Variants in LIPE observed in about 807,000 individuals in gnomAD.
LIPE encodes lipase E, hormone sensitive type, also known as hormone-sensitive lipase.
A neutral mutation model predicts 88.5 loss-of-function variants in LIPE; 66 were observed. That is an observed-to-expected ratio of 0.75 (90% CI 0.61 to 0.91). LIPE has a LOEUF of 0.91. Among genes scored for constraint, LIPE ranks in the 40% least tolerant of loss-of-function variants. LIPE has a pLI of 0.00. For synonymous variants in LIPE, 570 were observed against 617.5 expected (o/e 0.92, Z 1.14); for missense variants, 1,346 against 1,434.7 (o/e 0.94, Z 1.00).
At position 42,408,385 on chromosome 19, in the gene LIPE, G is replaced by A. The variant is rs894666491; in HGVS notation, c.1420-63C>T. The A allele has an allele frequency of 2.3e-6, 3 of 1,319,196 alleles. No individual in the cohort carries two copies. The highest frequency in any genetic ancestry group is 1.7e-5 in the Admixed American group (1 of 59,612). 81.7% of individuals were successfully genotyped at this position (1,319,196 alleles called of 1,614,324 possible). A position where few individuals can be genotyped will look rare whatever the true frequency, so the allele number is the denominator to read the frequency against. On this transcript the variant is annotated intron_variant, in intron 2 of 9. Transcript: ENST00000244289. This position sits in a 1 kb window ranked among gnomAD's most constrained non-coding sequence, Gnocchi z 4.3. ...AGAGGGATGGGGACAGGGCAGGAGC[G>A]AGGCACAGGGATGTGCGGGGAAGAC...
intron 2 of LIPE, among the ~76,000 whole-genome samples, chr19:42,409,910 C>T (rs559775481): frequency 7.2e-5 from 11 of 151,736 alleles, no homozygotes; most frequent in Middle Eastern, 3.4e-3. Context: ...GGCTGAGGTG[C>T]GGGGAGGCCC....
Position 42,410,459 on chromosome 19 carries a change from G to A in LIPE, c.1267C>T (p.Arg423Cys), listed in dbSNP as rs768141332. Residue 423 changes from arginine to cysteine, a missense_variant, in exon 2 of 10, where the codon CGC (arginine) becomes TGC (cysteine). Physicochemically the swap from Arg to Cys is radical, Grantham distance 180. Coordinates refer to ENST00000244289, the MANE Select transcript of LIPE (RefSeq NM_005357.4). This position sits in a 1 kb window ranked among gnomAD's most constrained non-coding sequence, Gnocchi z 6.1. ...CGCTGGGCGTAGTAGACCAGAGCGC[G>A]GAGCTGGGTGAGGGCAGCCAGGTAG... ...EAYLAALTQLRALVYYAQRLL... is the reference protein window; with the variant it reads ...EAYLAALTQLCALVYYAQRLL... 1.1e-5 allele frequency: 18 copies of A among 1,614,014 alleles called. No homozygotes were observed. Among genetic ancestry groups the A allele is most frequent in the Admixed American group, 8.3e-5 (5 of 60,014 alleles).
chr19:42,417,883 CAG>C lies in LIPE; in HGVS notation c.884-7043_884-7042del, dbSNP rs147320888. On this transcript the variant is annotated intron_variant, in intron 1 of 9. Coordinates refer to ENST00000244289, the MANE Select transcript of LIPE (RefSeq NM_005357.4). ...AAAAATAAATAAAAAAATAAAAAAACAGAAATACATTTGATAGCAGGAACAAT... is the reference window on the plus strand; with the variant it reads ...AAAAATAAATAAAAAAATAAAAAAACAAATACATTTGATAGCAGGAACAAT... Among the ~76,000 whole-genome samples the C allele has an allele frequency of 4.2e-3, 640 of 151,910 alleles. 8 individuals are homozygous for C. The highest frequency in any genetic ancestry group is 0.015 in the African/African-American group (603 of 41,440).
chr19:42,407,920 T>C lies in LIPE; in HGVS notation c.1656+56A>G. On this transcript the variant is annotated intron_variant, in intron 4 of 9. Coordinates refer to ENST00000244289, the MANE Select transcript of LIPE (RefSeq NM_005357.4). The surrounding 1 kb of genome is among the most constrained non-coding windows in gnomAD (Gnocchi z 5.8). Reference sequence around the variant, plus strand: ...GGCCTGGAGCCCCACAGAGACCTACTGTGGCCTCAGATGAGTCTCTGGGCC... The same window carrying C: ...GGCCTGGAGCCCCACAGAGACCTACCGTGGCCTCAGATGAGTCTCTGGGCC... The C allele has an allele frequency of 6.3e-7, 1 of 1,590,156 alleles. No homozygotes were observed. Among genetic ancestry groups the C allele is most frequent in the East Asian group, 2.3e-5 (1 of 43,860 alleles).
At chr19:42,412,134 C>T (rs765658257) in intron 1 of LIPE, 1 of 344,426 alleles carries the variant, frequency 2.9e-6, no homozygotes, top group Non-Finnish European at 4.1e-6. Context: ...CCCCAGTGAT[C>T]TTTCCTCTGA....
Position 42,426,655 on chromosome 19 carries a change from G to A in LIPE, c.495C>T (p.Ala165=), listed in dbSNP as rs2147682576. Reference sequence around the variant, plus strand: ...CAGTCGGGGCAGATGGCTCCCTTTTGGCTCCAGGTTTAGCCTGGGCCGCAG... The same window carrying A: ...CAGTCGGGGCAGATGGCTCCCTTTTAGCTCCAGGTTTAGCCTGGGCCGCAG... ...STPAAQAKPG[A]KREPSAPTES... The change falls in exon 1 of 10, where the codon GCC becomes GCT. Residue 165 remains alanine (A), a synonymous_variant. Coordinates refer to ENST00000244289, the MANE Select transcript of LIPE (RefSeq NM_005357.4). 1 of 1,614,220 alleles carries A rather than the reference G, an allele frequency of 6.2e-7. No individual in the cohort carries two copies. The highest frequency in any genetic ancestry group is 1.1e-5 in the South Asian group (1 of 91,080).
At chr19:42,402,146 A>T (rs989524027) in intron 9 of LIPE, 71 bp from the exon 10 acceptor site, 5 of 1,374,868 alleles carry the variant, frequency 3.6e-6, no homozygotes, top group Admixed American at 6.4e-5. Flanking sequence ...TAGAGCGAGG[A>T]GGGGTTTGAT....
Position 42,403,051 on chromosome 19 carries a change from T to C in LIPE, c.2543-20A>G, listed in dbSNP as rs1292363875. On this transcript the variant is annotated intron_variant, in intron 8 of 9. Coordinates refer to ENST00000244289, the MANE Select transcript of LIPE (RefSeq NM_005357.4). ...TCGGCTCTGAGAGAGGGAGAGCAGA[T>C]AGGCCTGGCTCCGTTAGTTTGGTTG... The C allele has an allele frequency of 3.3e-6, 5 of 1,521,258 alleles. No individual in the cohort carries two copies. In the Admixed American group the frequency reaches 7.8e-5, roughly 24 times the overall value. The allele number at this position is 1,521,258 out of a possible 1,614,324, so 94.2% of individuals were successfully genotyped here.
At chr19:42,402,575 A>G (rs2040016532) in intron 9 of LIPE, 32 bp downstream of exon 9, 1 of 1,439,588 alleles carries the variant, frequency 6.9e-7, no homozygotes, top group African/African-American at 1.4e-5. Flanking sequence ...TCTTCTCTAA[A>G]TGCACCTGTA....
Position 42,407,641 on chromosome 19 carries a change from C to T in LIPE, c.1807G>A (p.Val603Ile), listed in dbSNP as rs370116787. ...LAHTGPGPVL[V>I]RLISYDLREG... The stretch of plus-strand genomic sequence containing the variant: ...CGCAGGTCATAGGAGATGAGCCTGA[C>T]GAGGACGGGCCCAGGGCCTGTGTGG... Residue 603 changes from valine to isoleucine, a missense_variant, in exon 5 of 10, where the codon GTC becomes ATC. Physicochemically the swap from Val to Ile is conservative, Grantham distance 29 (BLOSUM62 3). Coordinates refer to ENST00000244289, the MANE Select transcript of LIPE (RefSeq NM_005357.4). This position sits in a 1 kb window ranked among gnomAD's most constrained non-coding sequence, Gnocchi z 5.8. The T allele has an allele frequency of 4.5e-5, 72 of 1,611,062 alleles. No individual in the cohort carries two copies. The highest frequency in any genetic ancestry group is 5.4e-5 in the Non-Finnish European group (64 of 1,178,514).
chr19:42,405,359 G>C, intron 8 of LIPE, 26 bp downstream of exon 8: 1 of 1,607,254 alleles, frequency 6.2e-7, no homozygotes, highest in Non-Finnish European at 8.5e-7. Context: ...CCCTGGCTGG[G>C]CATGTGACGG....
chr19:42,418,040 T>C (rs1341720716), intron 1 of LIPE, among the ~76,000 whole-genome samples: 1 of 151,546 alleles, frequency 6.6e-6, no homozygotes, highest in African/African-American at 2.4e-5. Flanking sequence ...TGGAGTGCAA[T>C]GGTGCGATCT....
At chr19:42,415,124 C>T (rs888845703) in intron 1 of LIPE, among the ~76,000 whole-genome samples, 6 of 151,442 alleles carry the variant, frequency 4.0e-5, no homozygotes, top group Non-Finnish European at 8.8e-5. Context: ...CCCAGCTACT[C>T]GGGAGGCTGA....
Position 42,426,317 on chromosome 19 carries a change from G to T in LIPE, c.833C>A (p.Ser278Ter). The change falls in exon 1 of 10, where the codon TCG becomes TAG. Residue 278 changes from serine to a stop codon, truncating the protein, a stop_gained. Coordinates refer to ENST00000244289, the MANE Select transcript of LIPE (RefSeq NM_005357.4). LOFTEE classifies it high-confidence loss of function. ...YKVMSGYSGT[S>*]PHEKTSARNH... ...CCGAGCACTGGTTTTCTCATGTGGCGACGTCCCACTGTATCCTGACATCAC... is the reference window on the plus strand; with the variant it reads ...CCGAGCACTGGTTTTCTCATGTGGCTACGTCCCACTGTATCCTGACATCAC... 6.2e-7 allele frequency: 1 copy of T among 1,608,448 alleles called. No homozygotes were observed. The highest frequency in any genetic ancestry group is 1.1e-5 in the South Asian group (1 of 91,014).
chr19:42,421,081 T>A (rs1428073157), intron 1 of LIPE, among the ~76,000 whole-genome samples: 1 of 152,120 alleles, frequency 6.6e-6, no homozygotes, highest in Non-Finnish European at 1.5e-5. Flanking sequence ...GTGTTTTTGG[T>A]AGAGACGGGG....
At position 42,406,498 on chromosome 19, in the gene LIPE, G is replaced by T; in HGVS notation, c.2138-110C>A. The T allele has an allele frequency of 1.1e-6, 1 of 881,954 alleles. No homozygotes were observed. 54.6% of individuals were successfully genotyped at this position (881,954 alleles called of 1,614,324 possible). On this transcript the variant is annotated intron_variant, in intron 6 of 9. Transcript: ENST00000244289. This position sits in a 1 kb window ranked among gnomAD's most constrained non-coding sequence, Gnocchi z 5.7. ...AACTGGGCTCTCCAAGGTGGGGTGT[G>T]GGGCACTCCAAGGCCTAGCAGACTG...
chr19:42,408,361 G>C lies in LIPE; in HGVS notation c.1420-39C>G. The C allele has an allele frequency of 3.3e-6, 5 of 1,537,666 alleles. No homozygotes were observed. The highest frequency in any genetic ancestry group is 4.5e-6 in the Non-Finnish European group (5 of 1,111,104). ...CGGCTGCGTCACCCACCGCTCAAGA[G>C]AGGGATGGGGACAGGGCAGGAGCGA... is the stretch of plus-strand genomic sequence containing the variant. On this transcript the variant is annotated intron_variant, in intron 2 of 9. Coordinates refer to ENST00000244289, the MANE Select transcript of LIPE (RefSeq NM_005357.4). This position sits in a 1 kb window ranked among gnomAD's most constrained non-coding sequence, Gnocchi z 4.3.
intron 9 of LIPE, 139 bp from the exon 10 acceptor site, chr19:42,402,214 G>A: frequency 1.2e-6 from 1 of 817,954 alleles, no homozygotes; most frequent in Non-Finnish European, 1.8e-6. Flanking sequence ...AGGAGACATG[G>A]TGGGTGAGGA....
intron 1 of LIPE, among the ~76,000 whole-genome samples, chr19:42,415,120 T>G (rs2040461129): frequency 6.6e-6 from 1 of 151,644 alleles, no homozygotes; most frequent in Non-Finnish European, 1.5e-5. Flanking sequence ...TAATCCCAGC[T>G]ACTCGGGAGG....
Sources: allele counts gnomAD v4.1 joint callset (sites outside exome capture counted in the v4.1 genomes callset), GRCh38; gene constraint gnomAD v4.1.1; non-coding constraint Gnocchi (gnomAD v3.1); transcripts MANE v1.5; gene names NCBI Gene and HGNC (gene_info 2026-07-23, HGNC 2026-07-21).